Variants in BTBD2 observed in about 807,000 individuals in gnomAD.
BTBD2 encodes the protein BTB/POZ domain-containing protein 2.
Under a neutral mutation model 44.0 loss-of-function variants are expected in BTBD2, and 15 were observed. That is an observed-to-expected ratio of 0.34 (90% CI 0.23 to 0.53). The LOEUF is 0.53. BTBD2 is among the 20% of genes least tolerant of loss of function. BTBD2 has a pLI of 0.95. For synonymous variants in BTBD2, 443 were observed against 335.9 expected, an observed-to-expected ratio of 1.32 and a Z score of -3.49; for missense variants, 657 against 746.4, an observed-to-expected ratio of 0.88 and a Z score of 1.39.
At chr19:2,005,155 G>A (rs1423609469) in intron 1 of BTBD2, among the ~76,000 whole-genome samples, 1 of 152,074 alleles carries the variant, frequency 6.6e-6, no homozygotes, top group African/African-American at 2.4e-5. Context: ...CATGGAATCT[G>A]TGAACCGCGG....
chr19:1,997,814 ACATGCATTCACACATACGTTCATTCATG>A (rs1325764301), intron 1 of BTBD2, among the ~76,000 whole-genome samples: 2 of 152,260 alleles, frequency 1.3e-5, no homozygotes, highest in Non-Finnish European at 2.9e-5. Context: ...GTTCATTCAC[ACATGCATTCACACATACGTTCATTCATG>A]CATGCATTCA....
chr19:1,999,901 T>G (rs1431738614), intron 1 of BTBD2, among the ~76,000 whole-genome samples: 3 of 149,372 alleles, frequency 2.0e-5, no homozygotes, highest in East Asian at 2.0e-4. Flanking sequence ...GGCGGAGGTT[T>G]CAGTGAGCCA....
At chr19:2,010,352 G>C (rs1427452605) in intron 1 of BTBD2, among the ~76,000 whole-genome samples, 1 of 152,160 alleles carries the variant, frequency 6.6e-6, no homozygotes, top group Admixed American at 6.5e-5. Context: ...AGATGGACGG[G>C]TGCCCATCCA....
intron 1 of BTBD2, among the ~76,000 whole-genome samples, chr19:2,010,410 C>T (rs1350030140): frequency 6.6e-6 from 1 of 152,180 alleles, no homozygotes; most frequent in Admixed American, 6.6e-5. Context: ...GGCCTCCTCC[C>T]CAGCACAAAC....
chr19:1,992,103 T>G (rs759825217), intron 3 of BTBD2: 6 of 147,302 alleles, frequency 4.1e-5, no homozygotes, highest in Non-Finnish European at 9.2e-5. Context: ...TATTTTACTT[T>G]TTTTTTAGAG....
At chr19:2,002,178 C>T (rs1254822969) in intron 1 of BTBD2, among the ~76,000 whole-genome samples, 1 of 152,086 alleles carries the variant, frequency 6.6e-6, no homozygotes, top group African/African-American at 2.4e-5. Context: ...ACCTCCTGGA[C>T]TCAAGCAATG....
At chr19:2,000,008 T>C (rs941891014) in intron 1 of BTBD2, among the ~76,000 whole-genome samples, 4 of 146,522 alleles carry the variant, frequency 2.7e-5, no homozygotes, top group East Asian at 2.0e-4. Context: ...AGAAACAGAG[T>C]GGGCGGCCGC....
Position 2,015,281 on chromosome 19 carries a change from G to T in BTBD2, c.407+16C>A. The T allele has an allele frequency of 6.5e-7, 1 of 1,539,378 alleles. No homozygotes were observed. Among genetic ancestry groups the T allele is most frequent in the African/African-American group, 1.4e-5 (1 of 72,742 alleles). ...GGGTGGGTCGGGGCCAGGGCTGGCGGGGTCGGGGCGCCCACCTGTGCGCGG... is the reference window on the plus strand; with the variant it reads ...GGGTGGGTCGGGGCCAGGGCTGGCGTGGTCGGGGCGCCCACCTGTGCGCGG... On this transcript the variant is annotated intron_variant, in intron 1 of 8. Transcript: ENST00000255608.
intron 2 of BTBD2, 78 bp from the exon 3 acceptor site, chr19:1,993,254 G>C: frequency 1.3e-6 from 2 of 1,488,628 alleles, no homozygotes; most frequent in Non-Finnish European, 1.8e-6. Flanking sequence ...GGACCACTCA[G>C]ACCGTTAGAC....
rs1411747306 is a variant in BTBD2 at position 1,990,306 on chromosome 19, A to G, written c.791-105T>C. 5 of 1,333,580 alleles carry G rather than the reference A, an allele frequency of 3.7e-6. No individual in the cohort carries two copies. The African/African-American group carries it at 5.8e-5, about 15-fold the overall frequency. 82.6% of individuals were successfully genotyped at this position (1,333,580 alleles called of 1,614,324 possible). ...ACCAGCAGTTAAAGCCGGGCTGGCA[A>G]CTATGGCCCGTGGCCCAAATCTGGC... On this transcript the variant is annotated intron_variant, in intron 4 of 8. Coordinates refer to ENST00000255608, the MANE Select transcript of BTBD2 (RefSeq NM_017797.4).
intron 3 of BTBD2, among the ~76,000 whole-genome samples, chr19:1,992,725 C>G (rs1485302454): frequency 9.2e-5 from 14 of 152,032 alleles, no homozygotes. Flanking sequence ...GTGCCCGCCA[C>G]CACGCCCGGC....
intron 1 of BTBD2, 33 bp downstream of exon 1, chr19:2,015,264 C>A (rs1406714487): frequency 1.4e-6 from 2 of 1,405,604 alleles, no homozygotes; most frequent in South Asian, 2.5e-5. Flanking sequence ...CTGGGTGGGT[C>A]GGGGCCAGGG....
At chr19:1,999,454 C>T (rs909561453) in intron 1 of BTBD2, among the ~76,000 whole-genome samples, 1 of 152,150 alleles carries the variant, frequency 6.6e-6, no homozygotes, top group Non-Finnish European at 1.5e-5. Flanking sequence ...TCGCTTGAGC[C>T]CAGGAGTTTG....
chr19:2,007,451 G>C (rs575265426), intron 1 of BTBD2, among the ~76,000 whole-genome samples: 1 of 152,284 alleles, frequency 6.6e-6, no homozygotes, highest in Non-Finnish European at 1.5e-5. Context: ...GCTGGCACCT[G>C]TGTCTTTTAT....
intron 1 of BTBD2, among the ~76,000 whole-genome samples, chr19:2,011,576 C>A (rs2016465488): frequency 6.6e-6 from 1 of 152,164 alleles, no homozygotes; most frequent in African/African-American, 2.4e-5. Context: ...GTCAGTGCCC[C>A]CTCTCCATTT....
intron 3 of BTBD2, chr19:1,991,195 C>G (rs1017338550): frequency 5.0e-6 from 1 of 198,074 alleles, no homozygotes. Flanking sequence ...TGGCCGGGGC[C>G]GACCGGTGAA....
At chr19:2,005,726 G>A (rs574291608) in intron 1 of BTBD2, among the ~76,000 whole-genome samples, 2 of 148,544 alleles carry the variant, frequency 1.3e-5, no homozygotes, top group South Asian at 4.2e-4. Flanking sequence ...AGGTTGCAGT[G>A]AACCAAGATC....
rs540696210 is a variant in BTBD2 at position 1,987,012 on chromosome 19, G to C, written c.1270-36C>G. 1.1e-5 allele frequency: 17 copies of C among 1,602,162 alleles called. No individual in the cohort carries two copies. In the South Asian group the frequency reaches 1.9e-4, roughly 18 times the overall value. Reference sequence around the variant, plus strand: ...GTGGGAAGTGGGAGGCTCAGGCCTGGGGAGGGCCAACGGGGACCCCTCGAG... The same window carrying C: ...GTGGGAAGTGGGAGGCTCAGGCCTGCGGAGGGCCAACGGGGACCCCTCGAG... On this transcript the variant is annotated intron_variant, in intron 7 of 8. Transcript: ENST00000255608.
chr19:2,000,003 CAG>C (rs1461971991), intron 1 of BTBD2, among the ~76,000 whole-genome samples: 1 of 151,020 alleles, frequency 6.6e-6, no homozygotes. Flanking sequence ...AAAAAAGAAA[CAG>C]AGTGGGCGGC....
Sources: gnomAD v4.1 joint callset for allele counts (sites outside exome capture counted in the v4.1 genomes callset) on GRCh38, gnomAD v4.1.1 for gene constraint, MANE v1.5 for transcripts, NCBI Gene and HGNC (gene_info 2026-07-23, HGNC 2026-07-21) for gene names.